The following PSEN2 variants were observed in gnomAD, a reference collection of about 807,000 sequenced individuals.
The protein encoded by PSEN2 is presenilin 2.
A neutral mutation model predicts 49.1 loss-of-function variants in PSEN2; 32 were observed. The observed-to-expected ratio is 0.65, with a 90% CI of 0.49 to 0.88. The LOEUF is 0.88. PSEN2 is among the 40% of genes least tolerant of loss of function. The probability of loss-of-function intolerance (pLI) is 0.00; values close to 1 mark genes in which losing one functional copy is unlikely to be tolerated. For synonymous variants in PSEN2, 255 were observed against 244.0 expected, an observed-to-expected ratio of 1.05 and a Z score of -0.42; for missense variants, 522 against 586.9, an observed-to-expected ratio of 0.89 and a Z score of 1.14.
At chr1:226,892,609 G>C (rs1212762946) in intron 11 of PSEN2, among the ~76,000 whole-genome samples, 1 of 152,218 alleles carries the variant, frequency 6.6e-6, no homozygotes, top group East Asian at 1.9e-4. Flanking sequence ...CCAGTGACAC[G>C]GGAGGGGCAA....
chr1:226,891,029 T>C, intron 9 of PSEN2: 1 of 549,720 alleles, frequency 1.8e-6, no homozygotes, highest in South Asian at 2.0e-5. Flanking sequence ...CTGTGAGGTC[T>C]TGGCTCTGAT....
chr1:226,879,089 C>G (rs1319237054), intron 3 of PSEN2, among the ~76,000 whole-genome samples: 1 of 152,174 alleles, frequency 6.6e-6, no homozygotes, highest in Non-Finnish European at 1.5e-5. Context: ...CCAGGCTGGT[C>G]TTGAACTCCT....
Position 226,870,649 on chromosome 1 carries a change from G to C in PSEN2, c.-350G>C, listed in dbSNP as rs1025890683. On this transcript the variant is annotated splice_region_variant and 5_prime_UTR_variant, in exon 1 of 13. Transcript: ENST00000366783. ...TCCGCTGGAGCGCGGCGGCAGAGCAGGTGAGCGGGCGGTGCCGGGGGGTGC... is the reference window on the plus strand; with the variant it reads ...TCCGCTGGAGCGCGGCGGCAGAGCACGTGAGCGGGCGGTGCCGGGGGGTGC... 1.3e-5 allele frequency: 2 copies of C among 152,182 alleles called. No homozygotes were observed. The highest frequency in any genetic ancestry group is 2.9e-5 in the Non-Finnish European group (2 of 68,246). The allele number at this position is 152,182 out of a possible 1,614,324, so 9.4% of individuals were successfully genotyped here. A position where few individuals can be genotyped will look rare whatever the true frequency, so the allele number is the denominator to read the frequency against.
chr1:226,892,029 G>A (rs1238393849), intron 11 of PSEN2, among the ~76,000 whole-genome samples, 185 bp downstream of exon 11: 1 of 152,226 alleles, frequency 6.6e-6, no homozygotes, highest in Non-Finnish European at 1.5e-5. Flanking sequence ...GCCCCATGTA[G>A]TTGTCCGGCA....
At chr1:226,887,019 A>G (rs542016786) in intron 6 of PSEN2, among the ~76,000 whole-genome samples, 1 of 152,270 alleles carries the variant, frequency 6.6e-6, no homozygotes, top group East Asian at 1.9e-4. Context: ...AGGTTGGCAG[A>G]TGGTGGGAAG....
At chr1:226,885,808 C>T in intron 6 of PSEN2, 129 bp downstream of exon 6, 4 of 1,020,624 alleles carry the variant, frequency 3.9e-6, no homozygotes, top group South Asian at 1.4e-5. Context: ...ATTTTTTGTA[C>T]TCCTCCCCAC....
chr1:226,884,099 C>A (rs1419181936), intron 5 of PSEN2, among the ~76,000 whole-genome samples, 180 bp downstream of exon 5: 5 of 152,196 alleles, frequency 3.3e-5, no homozygotes, highest in Admixed American at 6.5e-5. Context: ...TTGTGACCTA[C>A]TTGGGCATGC....
intron 8 of PSEN2, among the ~76,000 whole-genome samples, chr1:226,889,317 C>G: frequency 6.6e-6 from 1 of 152,034 alleles, no homozygotes; most frequent in East Asian, 1.9e-4. Context: ...TGCTCTGTCG[C>G]CCAGGCTGGA....
At chr1:226,880,162 G>T (rs779278275) in intron 3 of PSEN2, among the ~76,000 whole-genome samples, 1 of 152,128 alleles carries the variant, frequency 6.6e-6, no homozygotes, top group Non-Finnish European at 1.5e-5. Context: ...ATCACTTGAG[G>T]CCAGGAGTTT....
chr1:226,902,405 A>G (rs146950294), intron 12 of PSEN2, among the ~76,000 whole-genome samples: 29 of 152,108 alleles, frequency 1.9e-4, no homozygotes, highest in African/African-American at 7.0e-4. Flanking sequence ...GGCATGGCTT[A>G]CCGTGGGCCC....
chr1:226,871,661 G>A (rs1388648509), intron 2 of PSEN2, among the ~76,000 whole-genome samples: 13 of 152,244 alleles, frequency 8.5e-5, no homozygotes, highest in Non-Finnish European at 4.4e-5. Context: ...GAAGTAACTT[G>A]ATTAGGACCG....
At chr1:226,893,361 G>A (rs1468259025) in intron 11 of PSEN2, among the ~76,000 whole-genome samples, 1 of 152,242 alleles carries the variant, frequency 6.6e-6, no homozygotes, top group African/African-American at 2.4e-5. Context: ...AGGGACACCT[G>A]CAGGGCTGGA....
chr1:226,891,382 A>T (rs200572479), intron 10 of PSEN2, 21 bp downstream of exon 10: 2 of 1,595,076 alleles, frequency 1.3e-6, no homozygotes, highest in Non-Finnish European at 1.7e-6. Flanking sequence ...TGGGGAGCTA[A>T]CAGCCTCTCA....
At chr1:226,880,106 G>T (rs1660880410) in intron 3 of PSEN2, among the ~76,000 whole-genome samples, 1 of 152,224 alleles carries the variant, frequency 6.6e-6, no homozygotes, top group Non-Finnish European at 1.5e-5. Flanking sequence ...GAGTGTAGTG[G>T]TTCACACTCT....
chr1:226,898,657 A>C (rs542232864), downstream of PSEN2: 16 of 152,358 alleles, frequency 1.1e-4, no homozygotes, highest in South Asian at 3.1e-3. Flanking sequence ...GCTGTCGCCC[A>C]GGCTGGAGTG....
chr1:226,886,702 A>G (rs1661386459), intron 6 of PSEN2, among the ~76,000 whole-genome samples: 1 of 152,248 alleles, frequency 6.6e-6, no homozygotes, highest in African/African-American at 2.4e-5. Context: ...GGGATGGGAC[A>G]GGGACAGTGC....
intron 2 of PSEN2, among the ~76,000 whole-genome samples, chr1:226,874,736 G>A (rs939231550): frequency 6.6e-6 from 1 of 152,176 alleles, no homozygotes; most frequent in African/African-American, 2.4e-5. Context: ...CGATAATCTT[G>A]CAAGGTATGC....
Position 226,890,078 on chromosome 1 carries a change from G to A in PSEN2, c.831G>A (p.Leu277=), listed in dbSNP as rs748453717. ...GTCCCAAAGGGCCTCTGAGAATGCTGGTAGAAACTGCCCAGGAGAGAAATG... is the reference window on the plus strand; with the variant it reads ...GTCCCAAAGGGCCTCTGAGAATGCTAGTAGAAACTGCCCAGGAGAGAAATG... ...VLCPKGPLRM[L]VETAQERNEP... The change falls in exon 9 of 13, where the codon CTG becomes CTA. Residue 277 remains leucine (L), a synonymous_variant. Coordinates refer to ENST00000366783, the MANE Select transcript of PSEN2 (RefSeq NM_000447.3). 1 of 1,614,094 alleles carries A rather than the reference G, an allele frequency of 6.2e-7. No individual in the cohort carries two copies. Among genetic ancestry groups the A allele is most frequent in the Non-Finnish European group, 8.5e-7 (1 of 1,179,942 alleles).
chr1:226,885,815 C>T, intron 6 of PSEN2, 136 bp downstream of exon 6: 1 of 933,816 alleles, frequency 1.1e-6, no homozygotes, highest in Non-Finnish European at 1.7e-6. Context: ...GTACTCCTCC[C>T]CACCCCATCC....
Sources: allele counts gnomAD v4.1 joint callset (sites outside exome capture counted in the v4.1 genomes callset), GRCh38; gene constraint gnomAD v4.1.1; transcripts MANE v1.5; gene names NCBI Gene and HGNC (gene_info 2026-07-23, HGNC 2026-07-21).